Variants in FARS2 observed in about 807,000 individuals in gnomAD.
FARS2 encodes the protein phenylalanine--tRNA ligase, mitochondrial.
FARS2 carries 40 observed loss-of-function variants against 46.4 expected under a neutral mutation model. The ratio of observed to expected loss-of-function variants is 0.86; its 90% confidence interval spans 0.67 to 1.12. The LOEUF is 1.12. Among genes scored for constraint, FARS2 ranks in the 50% most tolerant of loss-of-function variants. The pLI is 0.00. For synonymous variants in FARS2, 234 were observed against 214.9 expected, an observed-to-expected ratio of 1.09 and a Z score of -0.78; for missense variants, 513 against 567.9, an observed-to-expected ratio of 0.90 and a Z score of 0.98.
intron 6 of FARS2, among the ~76,000 whole-genome samples, chr6:5,704,678 A>G (rs1758637178): frequency 1.3e-5 from 2 of 152,234 alleles, no homozygotes; most frequent in South Asian, 2.1e-4. Flanking sequence ...AGACATACGC[A>G]AGAGGTAATA....
intron 6 of FARS2, among the ~76,000 whole-genome samples, chr6:5,750,096 C>T (rs1561836750): frequency 2.6e-5 from 4 of 152,150 alleles, no homozygotes; most frequent in Admixed American, 2.0e-4. Context: ...CTGCCCTCTC[C>T]GAGTTAGTGG....
At chr6:5,313,588 A>C (rs150128527) in intron 1 of FARS2, among the ~76,000 whole-genome samples, 1,533 of 152,218 alleles carry the variant, frequency 0.01, 35 homozygotes, top group Admixed American at 0.044. Context: ...TCTACTGTAA[A>C]TTGAGTTGAG....
intron 4 of FARS2, among the ~76,000 whole-genome samples, chr6:5,432,151 C>G (rs563912132): frequency 6.7e-6 from 1 of 148,910 alleles, no homozygotes; most frequent in African/African-American, 2.5e-5. Context: ...AACCCTGTCT[C>G]TACTGAAAAT....
At chr6:5,256,264 C>T (rs573387686), upstream of FARS2, among the ~76,000 whole-genome samples, 11 of 151,694 alleles carry the variant, frequency 7.3e-5, no homozygotes, top group South Asian at 2.1e-4. Context: ...CCGAGGTGGG[C>T]GGATCACCTT....
chr6:5,537,462 C>G (rs1399544567), intron 4 of FARS2, among the ~76,000 whole-genome samples: 2 of 136,236 alleles, frequency 1.5e-5, no homozygotes, highest in African/African-American at 2.7e-5. Flanking sequence ...GGCCTCCTCT[C>G]GAGCTGGAGA....
At chr6:5,717,351 A>G (rs866114164) in intron 6 of FARS2, among the ~76,000 whole-genome samples, 81 of 141,738 alleles carry the variant, frequency 5.7e-4, no homozygotes, top group South Asian at 1.2e-3. Context: ...AGATATGTAT[A>G]TGTGTGTGTG....
intron 4 of FARS2, among the ~76,000 whole-genome samples, chr6:5,448,462 AT>A (rs1202702592): frequency 2.1e-5 from 2 of 96,946 alleles, no homozygotes; most frequent in Admixed American, 2.7e-4. Flanking sequence ...AGCAGCACAC[AT>A]TTTTTCTGTT....
intron 1 of FARS2, among the ~76,000 whole-genome samples, chr6:5,280,114 A>G (rs903805223): frequency 6.6e-6 from 1 of 152,196 alleles, no homozygotes; most frequent in Non-Finnish European, 1.5e-5. Flanking sequence ...CTGTGGCTGC[A>G]TGGCAGCCAG....
chr6:5,731,200 A>G (rs1397529993), intron 6 of FARS2, among the ~76,000 whole-genome samples: 1 of 152,174 alleles, frequency 6.6e-6, no homozygotes, highest in African/African-American at 2.4e-5. Flanking sequence ...GGAAAATGAG[A>G]CTGAGTATAT....
intron 5 of FARS2, among the ~76,000 whole-genome samples, chr6:5,583,159 A>T (rs1216923881): frequency 1.3e-5 from 2 of 152,254 alleles, no homozygotes; most frequent in African/African-American, 2.4e-5. Context: ...AAGTTATTGT[A>T]AAAACAAAAT....
chr6:5,625,225 C>G lies in FARS2; in HGVS notation c.1217+11905C>G, dbSNP rs533940093. On this transcript the variant is annotated intron_variant, in intron 6 of 6. Coordinates refer to ENST00000274680, the MANE Select transcript of FARS2 (RefSeq NM_006567.5). Reference sequence around the variant, plus strand: ...CTCAAGGATATGCAGGTAACACCTACTGGAGTCACGCTTCACCAGTTCACA... The same window carrying G: ...CTCAAGGATATGCAGGTAACACCTAGTGGAGTCACGCTTCACCAGTTCACA... 1.0e-3 allele frequency among the ~76,000 whole-genome samples: 157 copies of G among 152,260 alleles called. 1 individual carries two copies. The highest frequency in any genetic ancestry group is 5.8e-3 in the South Asian group (28 of 4,822).
rs1016283999 is a variant in FARS2, at chr6:5,524,968, C to T, written c.905-20212C>T. 2.6e-5 allele frequency among the ~76,000 whole-genome samples: 4 copies of T among 152,106 alleles called. No homozygotes were observed. In the South Asian group the frequency reaches 8.3e-4, roughly 32 times the overall value. On this transcript the variant is annotated intron_variant, in intron 4 of 6. Coordinates refer to ENST00000274680, the MANE Select transcript of FARS2 (RefSeq NM_006567.5). ...GTAGCTTTTTGTCACTGGCCTGAGACCACTGTGTTCTACTTTCTACTAAAG... is the reference window on the plus strand; with the variant it reads ...GTAGCTTTTTGTCACTGGCCTGAGATCACTGTGTTCTACTTTCTACTAAAG...
At chr6:5,254,230 C>T in the FARS2 span, among the ~76,000 whole-genome samples, 68 of 152,280 alleles carry the variant, frequency 4.5e-4, no homozygotes, top group East Asian at 2.7e-3. Flanking sequence ...ACAAGTTGAA[C>T]GAATTGGCCT....
chr6:5,495,276 A>G (rs193300269), intron 4 of FARS2, among the ~76,000 whole-genome samples: 3 of 152,206 alleles, frequency 2.0e-5, no homozygotes, highest in Non-Finnish European at 2.9e-5. Flanking sequence ...TAAATTTGTC[A>G]TCATTTTCTG....
intron 6 of FARS2, among the ~76,000 whole-genome samples, chr6:5,698,037 T>C (rs1286793167): frequency 3.9e-5 from 6 of 152,206 alleles, no homozygotes; most frequent in African/African-American, 1.4e-4. Flanking sequence ...TGATTCTCGC[T>C]CGCTGTGATA....
At chr6:5,485,361 C>T (rs1766712019) in intron 4 of FARS2, among the ~76,000 whole-genome samples, 1 of 152,152 alleles carries the variant, frequency 6.6e-6, no homozygotes, top group African/African-American at 2.4e-5. Context: ...TTAATGAGGG[C>T]ATACCTTGGT....
chr6:5,563,396 A>G (rs1479098595), intron 5 of FARS2, among the ~76,000 whole-genome samples: 2 of 152,236 alleles, frequency 1.3e-5, no homozygotes, highest in African/African-American at 4.8e-5. Flanking sequence ...CACAGTTTCT[A>G]ATGGACGTTA....
chr6:5,689,124 C>T (rs1013203912), intron 6 of FARS2, among the ~76,000 whole-genome samples: 2 of 152,150 alleles, frequency 1.3e-5, no homozygotes, highest in African/African-American at 4.8e-5. Context: ...AGCAGTCTCT[C>T]AATTTTGTTG....
chr6:5,520,441 G>A (rs1462040089), intron 4 of FARS2, among the ~76,000 whole-genome samples: 1 of 152,144 alleles, frequency 6.6e-6, no homozygotes, highest in Non-Finnish European at 1.5e-5. Flanking sequence ...TGAACAAAGT[G>A]ACCTGTCCTG....
Sources: allele counts gnomAD v4.1 joint callset (sites outside exome capture counted in the v4.1 genomes callset), GRCh38; gene constraint gnomAD v4.1.1; transcripts MANE v1.5; gene names NCBI Gene and HGNC (gene_info 2026-07-23, HGNC 2026-07-21).